The following SEMA5A variants were observed in gnomAD, a reference collection of about 807,000 sequenced individuals.
SEMA5A encodes semaphorin-5A.
A neutral mutation model predicts 135.5 loss-of-function variants in SEMA5A; 55 were observed. The observed-to-expected ratio is 0.41, with a 90% confidence interval of 0.33 to 0.51. The LOEUF is 0.51. Ranked by LOEUF, SEMA5A falls within the 20% of genes least tolerant of loss-of-function variation. The pLI, the probability that SEMA5A is intolerant of heterozygous loss-of-function variation, is 0.37. For synonymous variants in SEMA5A, 580 were observed against 546.5 expected (o/e 1.06, Z -0.85); for missense variants, 1,290 against 1,419.9 (o/e 0.91, Z 1.47).
intron 16 of SEMA5A, among the ~76,000 whole-genome samples, chr5:9,080,621 A>C (rs965885296): frequency 6.6e-6 from 1 of 152,114 alleles, no homozygotes; most frequent in Non-Finnish European, 1.5e-5. Flanking sequence ...AAAACTACTA[A>C]AGACCTCCAC....
At chr5:9,230,165 T>TC (rs1191228622) in intron 6 of SEMA5A, among the ~76,000 whole-genome samples, 8 of 139,840 alleles carry the variant, frequency 5.7e-5, no homozygotes, top group Admixed American at 4.9e-4. Context: ...TTTCTTTTTT[T>TC]TTTTTTTTTT....
At chr5:9,249,694 G>A (rs3912190) in intron 5 of SEMA5A, among the ~76,000 whole-genome samples, 54,737 of 152,018 alleles carry the variant, frequency 0.36, 10,465 homozygotes, top group East Asian at 0.47. Context: ...GATCTTGGGC[G>A]TCTTGAAGGG....
intron 5 of SEMA5A, among the ~76,000 whole-genome samples, chr5:9,301,949 TA>T (rs1226451694): frequency 6.6e-6 from 1 of 151,996 alleles, no homozygotes; most frequent in African/African-American, 2.4e-5. Context: ...TATGCTCCCC[TA>T]GGAGGGCCTA....
chr5:9,099,273 A>G (rs1015257216), intron 16 of SEMA5A, among the ~76,000 whole-genome samples: 10 of 152,184 alleles, frequency 6.6e-5, no homozygotes, highest in Admixed American at 6.5e-4. Flanking sequence ...TACTGATATT[A>G]ACTTTCTCAA....
chr5:9,106,855 C>T (rs961337463), intron 16 of SEMA5A, among the ~76,000 whole-genome samples: 7 of 152,180 alleles, frequency 4.6e-5, no homozygotes, highest in African/African-American at 1.4e-4. Flanking sequence ...TCTTTATAAT[C>T]AGTACTAGAC....
intron 16 of SEMA5A, among the ~76,000 whole-genome samples, chr5:9,098,391 G>A (rs936552846): frequency 2.6e-5 from 4 of 152,256 alleles, no homozygotes; most frequent in Admixed American, 6.5e-5. Context: ...AAAAACATGT[G>A]TCCAATTTGA....
chr5:9,162,560 G>A (rs893998357), intron 11 of SEMA5A, among the ~76,000 whole-genome samples: 5 of 28,030 alleles, frequency 1.8e-4, no homozygotes, highest in South Asian at 9.8e-4. Context: ...ATGTGTGTGT[G>A]TGTGTATATA....
intron 11 of SEMA5A, among the ~76,000 whole-genome samples, chr5:9,169,373 A>G (rs566445727): frequency 1.2e-4 from 18 of 152,346 alleles, no homozygotes; most frequent in Non-Finnish European, 2.2e-4. Flanking sequence ...CACAGTAAGT[A>G]ATGTGTCCTC....
chr5:9,447,818 A>T (rs1758490358), intron 1 of SEMA5A, among the ~76,000 whole-genome samples: 1 of 152,170 alleles, frequency 6.6e-6, no homozygotes, highest in Non-Finnish European at 1.5e-5. Flanking sequence ...TTTTTTTCAC[A>T]TTTGGCAATG....
intron 1 of SEMA5A, among the ~76,000 whole-genome samples, chr5:9,541,587 C>G (rs1304344514): frequency 2.6e-5 from 4 of 152,108 alleles, no homozygotes; most frequent in African/African-American, 9.7e-5. Context: ...GAATGATTTT[C>G]TTTTTTCCAA....
chr5:9,342,596 G>A (rs1245440803), intron 3 of SEMA5A, among the ~76,000 whole-genome samples: 1 of 152,150 alleles, frequency 6.6e-6, no homozygotes, highest in Non-Finnish European at 1.5e-5. Context: ...CATAAGTACA[G>A]TATGTAGAAA....
intron 6 of SEMA5A, among the ~76,000 whole-genome samples, chr5:9,237,015 G>A (rs560011446): frequency 1.3e-5 from 2 of 152,148 alleles, no homozygotes; most frequent in South Asian, 4.2e-4. Context: ...CCAAACTATT[G>A]GTCCTAGGAC....
intron 4 of SEMA5A, among the ~76,000 whole-genome samples, chr5:9,323,577 G>T (rs935440716): frequency 6.6e-6 from 1 of 150,674 alleles, no homozygotes; most frequent in African/African-American, 2.4e-5. Context: ...CAGTTGATTG[G>T]TTATATTTTT....
intron 3 of SEMA5A, among the ~76,000 whole-genome samples, chr5:9,348,906 A>G (rs1324993491): frequency 6.6e-6 from 1 of 152,220 alleles, no homozygotes; most frequent in Non-Finnish European, 1.5e-5. Context: ...GTTCTGCTAC[A>G]TATTCAGAAT....
At chr5:9,308,431 G>A (rs1215971355) in intron 5 of SEMA5A, among the ~76,000 whole-genome samples, 1 of 152,088 alleles carries the variant, frequency 6.6e-6, no homozygotes, top group Non-Finnish European at 1.5e-5. Flanking sequence ...AGCTGCATCT[G>A]GGATCGGGTT....
At chr5:9,240,137 C>A (rs368093139) in intron 5 of SEMA5A, among the ~76,000 whole-genome samples, 1 of 151,958 alleles carries the variant, frequency 6.6e-6, no homozygotes, top group Non-Finnish European at 1.5e-5. Flanking sequence ...ACTGCTCTTA[C>A]AAGTTTATTA....
At chr5:9,381,714 G>A (rs1284088702) in intron 2 of SEMA5A, among the ~76,000 whole-genome samples, 1 of 152,152 alleles carries the variant, frequency 6.6e-6, no homozygotes, top group African/African-American at 2.4e-5. Flanking sequence ...TAGATACTAT[G>A]AGAGCAAAAG....
At chr5:9,177,404 T>C (rs1744263073) in intron 11 of SEMA5A, among the ~76,000 whole-genome samples, 1 of 152,220 alleles carries the variant, frequency 6.6e-6, no homozygotes, top group South Asian at 2.1e-4. Flanking sequence ...ACAGTGATGT[T>C]GACTCTATCC....
chr5:9,244,622 C>T (rs374781954), intron 5 of SEMA5A, among the ~76,000 whole-genome samples: 16 of 152,342 alleles, frequency 1.1e-4, no homozygotes, highest in East Asian at 3.9e-4. Flanking sequence ...GCTTGGTACA[C>T]GTCTGTATCT....
Sources: allele counts gnomAD v4.1 joint callset (sites outside exome capture counted in the v4.1 genomes callset), GRCh38; gene constraint gnomAD v4.1.1; transcripts MANE v1.5; gene names NCBI Gene and HGNC (gene_info 2026-07-23, HGNC 2026-07-21).